Variants in ZNF676 observed in about 807,000 individuals in gnomAD.
ZNF676 encodes zinc finger protein 676.
A neutral mutation model predicts 6.0 loss-of-function variants in ZNF676; 4 were observed. That is an observed-to-expected ratio of 0.67 (90% CI 0.33 to 1.53). The LOEUF is 1.53. ZNF676 is among the 40% of genes most tolerant of loss of function. The probability of loss-of-function intolerance (pLI) is 0.06; values close to 1 mark genes in which losing one functional copy is unlikely to be tolerated. For missense variants in ZNF676, 644 were observed against 679.7 expected (o/e 0.95, Z 0.58); for synonymous variants, 198 against 223.1 (o/e 0.89, Z 1.00).
At chr19:22,226,347 C>T in the ZNF676 span, among the ~76,000 whole-genome samples, 1 of 151,696 alleles carries the variant, frequency 6.6e-6, no homozygotes, top group South Asian at 2.1e-4. Flanking sequence ...TTTATTACCT[C>T]CTCTATTTCA....
intron 1 of ZNF676, chr19:22,203,534 G>A (rs1482170571): frequency 6.6e-6 from 1 of 152,080 alleles, no homozygotes; most frequent in Non-Finnish European, 1.5e-5. Context: ...CACCCAAAGT[G>A]CATAGCTACT....
upstream of ZNF676, among the ~76,000 whole-genome samples, chr19:22,197,318 CA>C (rs35429094): frequency 0.3 from 33,233 of 109,380 alleles, 3,787 homozygotes; most frequent in South Asian, 0.46. Flanking sequence ...AACTCCATCT[CA>C]AAAAAAAAAA....
chr19:22,199,472 A>G (rs2024002926), upstream of ZNF676, among the ~76,000 whole-genome samples: 1 of 152,252 alleles, frequency 6.6e-6, no homozygotes, highest in African/African-American at 2.4e-5. Context: ...AGCAGGTACT[A>G]TGTGCTCAAT....
upstream of ZNF676, among the ~76,000 whole-genome samples, chr19:22,200,495 G>A (rs908471441): frequency 3.4e-5 from 5 of 147,826 alleles, no homozygotes; most frequent in African/African-American, 1.2e-4. Context: ...AGGATGGTAG[G>A]AATCATGACT....
intron 1 of ZNF676, among the ~76,000 whole-genome samples, chr19:22,209,397 C>T (rs1201786419): frequency 6.8e-6 from 1 of 146,290 alleles, no homozygotes; most frequent in African/African-American, 2.5e-5. Context: ...TCTTAGAAAA[C>T]TGATACAGAA....
At chr19:22,198,036 T>G (rs904124542), upstream of ZNF676, among the ~76,000 whole-genome samples, 1 of 152,168 alleles carries the variant, frequency 6.6e-6, no homozygotes, top group East Asian at 1.9e-4. Flanking sequence ...AGAGCAGGTA[T>G]CTCCTAACAA....
intron 2 of ZNF676, among the ~76,000 whole-genome samples, chr19:22,183,621 C>T (rs10421426): frequency 0.45 from 68,623 of 151,924 alleles, 16,785 homozygotes; most frequent in African/African-American, 0.65. Flanking sequence ...ATTATAGGCA[C>T]GAGCCGCCAT....
rs754173504 is a variant in ZNF676, at chr19:22,181,086, T to C, written c.631A>G (p.Ile211Val). The C allele has an allele frequency of 3.1e-6, 5 of 1,598,814 alleles. No homozygotes were observed. The highest frequency in any genetic ancestry group is 4.3e-6 in the Non-Finnish European group (5 of 1,171,666). ...ECGKAFSKFS[I>V]LTKHKVIHTG... ...TGAATTACCTTATGTTTAGTAAGGA[T>C]TGAGAACTTACTAAAGGCTTTGCCA... The change falls in exon 3 of 3, where the codon ATC (isoleucine) becomes GTC (valine). Residue 211 changes from isoleucine (I) to valine (V), a missense_variant. This residue lies in a region of ZNF676 where 280 missense variants were observed against 269.3 expected (regional missense o/e 1.04). Transcript: ENST00000397121.
chr19:22,222,737 C>T, the ZNF676 span, among the ~76,000 whole-genome samples: 1 of 152,152 alleles, frequency 6.6e-6, no homozygotes. Context: ...GTAAACGCAG[C>T]AAAGCAGCTG....
At chr19:22,242,562 C>A in the ZNF676 span, among the ~76,000 whole-genome samples, 1 of 151,904 alleles carries the variant, frequency 6.6e-6, no homozygotes, top group Non-Finnish European at 1.5e-5. Flanking sequence ...GTATGCAAGG[C>A]CCAAGCAGGA....
the ZNF676 span, among the ~76,000 whole-genome samples, chr19:22,241,240 T>G: frequency 6.6e-6 from 1 of 151,880 alleles, no homozygotes; most frequent in African/African-American, 2.4e-5. Context: ...GAAATGAAAT[T>G]AACAATCCCA....
At chr19:22,212,448 C>G (rs1428211635) in intron 1 of ZNF676, among the ~76,000 whole-genome samples, 2 of 152,110 alleles carry the variant, frequency 1.3e-5, no homozygotes, top group Non-Finnish European at 2.9e-5. Flanking sequence ...CACCTGCAAT[C>G]CCAGCACTTT....
At chr19:22,210,600 C>G (rs755132774) in intron 1 of ZNF676, among the ~76,000 whole-genome samples, 46 of 152,138 alleles carry the variant, frequency 3.0e-4, no homozygotes, top group Non-Finnish European at 5.1e-4. Flanking sequence ...TAATAAAATT[C>G]TCTATCCTCT....
At chr19:22,243,524 C>G in the ZNF676 span, 3 of 152,008 alleles carry the variant, frequency 2.0e-5, no homozygotes, top group African/African-American at 7.3e-5. Flanking sequence ...AGTTACATCA[C>G]CCAGGTATCA....
At chr19:22,183,747 T>A (rs1396590043) in intron 2 of ZNF676, among the ~76,000 whole-genome samples, 1 of 152,210 alleles carries the variant, frequency 6.6e-6, no homozygotes, top group Non-Finnish European at 1.5e-5. Context: ...AGACATTTCA[T>A]GCAAATATTA....
the ZNF676 span, among the ~76,000 whole-genome samples, chr19:22,232,293 G>C: frequency 2.6e-5 from 4 of 151,864 alleles, no homozygotes; most frequent in South Asian, 8.3e-4. Flanking sequence ...TCAGCCTCCC[G>C]AGTAGCTGGG....
At chr19:22,217,777 T>A (rs1205801728), upstream of ZNF676, among the ~76,000 whole-genome samples, 3 of 151,914 alleles carry the variant, frequency 2.0e-5, no homozygotes, top group Non-Finnish European at 4.4e-5. Flanking sequence ...GATCTTGGCT[T>A]ACTGCAACCT....
At chr19:22,255,675 C>T in the ZNF676 span, among the ~76,000 whole-genome samples, 1 of 151,930 alleles carries the variant, frequency 6.6e-6, no homozygotes, top group Non-Finnish European at 1.5e-5. Context: ...GAAACCCTGT[C>T]TCTACTAAAA....
At chr19:22,231,112 C>G in the ZNF676 span, among the ~76,000 whole-genome samples, 2 of 151,734 alleles carry the variant, frequency 1.3e-5, no homozygotes, top group African/African-American at 4.8e-5. Context: ...AGAGTAAAAT[C>G]TTTGTATGCA....
Sources: gnomAD v4.1 joint callset for allele counts (sites outside exome capture counted in the v4.1 genomes callset) on GRCh38, gnomAD v4.1.1 for gene constraint, gnomAD v4.1.1 regional missense constraint, MANE v1.5 for transcripts, NCBI Gene and HGNC (gene_info 2026-07-23, HGNC 2026-07-21) for gene names.